Variants in C3orf49 observed in about 807,000 individuals in gnomAD.
C3orf49 encodes putative uncharacterized protein C3orf49.
Under a neutral mutation model 13.3 loss-of-function variants are expected in C3orf49, and 27 were observed. That is an observed-to-expected ratio of 2.02 (90% CI 1.49 to 2.79). C3orf49 has a LOEUF of 2.79. Ranked by LOEUF, C3orf49 falls within the 30% of genes most tolerant of loss-of-function variation. The pLI is 0.00. For synonymous variants in C3orf49, 87 were observed against 47.6 expected (o/e 1.83, Z -3.40); for missense variants, 242 against 134.2 (o/e 1.80, Z -3.97).
chr3:63,814,432 A>G (rs1262313585), upstream of C3orf49, among the ~76,000 whole-genome samples: 4 of 151,990 alleles, frequency 2.6e-5, no homozygotes, highest in Non-Finnish European at 5.9e-5. Flanking sequence ...CATGTTTGCA[A>G]TCTCTGACTT....
chr3:63,793,432 T>A, the C3orf49 span, among the ~76,000 whole-genome samples: 1 of 152,100 alleles, frequency 6.6e-6, no homozygotes, highest in Non-Finnish European at 1.5e-5. Flanking sequence ...CTTCTCTGAA[T>A]GTTCCCTTTC....
chr3:63,829,252 G>C (rs17069441), intron 3 of C3orf49, among the ~76,000 whole-genome samples: 1 of 152,116 alleles, frequency 6.6e-6, no homozygotes, highest in African/African-American at 2.4e-5. Context: ...ACATGGTCTT[G>C]CTTCTGTGGA....
chr3:63,829,370 A>AG (rs1398268476), intron 3 of C3orf49, among the ~76,000 whole-genome samples: 1 of 152,168 alleles, frequency 6.6e-6, no homozygotes, highest in East Asian at 1.9e-4. Flanking sequence ...GCATTCATAC[A>AG]GAAAAAAAAT....
At chr3:63,837,197 C>T (rs1182182402) in intron 5 of C3orf49, among the ~76,000 whole-genome samples, 1 of 151,772 alleles carries the variant, frequency 6.6e-6, no homozygotes, top group Non-Finnish European at 1.5e-5. Flanking sequence ...AATACATGCC[C>T]TATGTAAAAC....
the C3orf49 span, among the ~76,000 whole-genome samples, chr3:63,788,639 A>G: frequency 6.6e-6 from 1 of 152,120 alleles, no homozygotes; most frequent in African/African-American, 2.4e-5. Context: ...AGGAAACAAA[A>G]TAAGACACAG....
At chr3:63,846,009 A>G (rs1701886053) in intron 6 of C3orf49, 1 of 181,806 alleles carries the variant, frequency 5.5e-6, no homozygotes, top group Non-Finnish European at 1.2e-5. Flanking sequence ...ATTGGCATTC[A>G]GAAGCCTCAA....
At chr3:63,819,958 C>T (rs192711475) in intron 1 of C3orf49, among the ~76,000 whole-genome samples, 41 of 152,282 alleles carry the variant, frequency 2.7e-4, no homozygotes, top group African/African-American at 9.4e-4. Context: ...AATAGGTCCA[C>T]GATCAGTGCT....
chr3:63,829,615 T>G (rs1311950944), intron 3 of C3orf49, among the ~76,000 whole-genome samples: 2 of 152,280 alleles, frequency 1.3e-5, no homozygotes, highest in East Asian at 3.9e-4. Flanking sequence ...GATCAGAGGT[T>G]GTCAACTAGC....
the C3orf49 span, among the ~76,000 whole-genome samples, chr3:63,786,254 A>G: frequency 6.6e-6 from 1 of 152,056 alleles, no homozygotes; most frequent in Non-Finnish European, 1.5e-5. Context: ...GTAACTGATG[A>G]TGATGATGAT....
chr3:63,812,978 G>A, the C3orf49 span, among the ~76,000 whole-genome samples: 1 of 152,194 alleles, frequency 6.6e-6, no homozygotes, highest in Admixed American at 6.5e-5. Context: ...CTGTTGGCAT[G>A]TGAATGTAGA....
chr3:63,784,313 C>T, the C3orf49 span, among the ~76,000 whole-genome samples: 10 of 152,078 alleles, frequency 6.6e-5, no homozygotes, highest in Non-Finnish European at 1.2e-4. Context: ...TTATAAATAC[C>T]TTGCTTGTGC....
At chr3:63,823,201 C>CT (rs762467905) in intron 1 of C3orf49, 49 bp from the exon 2 acceptor site, 2 of 609,848 alleles carry the variant, frequency 3.3e-6, no homozygotes, top group Non-Finnish European at 2.9e-6. Flanking sequence ...AAATTTTTCA[C>CT]TTTTAACTTT....
chr3:63,781,480 T>C, the C3orf49 span, among the ~76,000 whole-genome samples: 7 of 152,196 alleles, frequency 4.6e-5, no homozygotes, highest in Non-Finnish European at 1.0e-4. Context: ...CGGGCTCTTT[T>C]TTGGTTCCAT....
chr3:63,795,972 A>G, the C3orf49 span, among the ~76,000 whole-genome samples: 9 of 152,138 alleles, frequency 5.9e-5, no homozygotes, highest in Non-Finnish European at 8.8e-5. Context: ...CATGTTTGCA[A>G]TTTACTTTGA....
chr3:63,843,733 C>T (rs844262), intron 5 of C3orf49, among the ~76,000 whole-genome samples: 152,185 of 152,188 alleles, frequency 1, 76,091 homozygotes, highest in Middle Eastern at 1. Flanking sequence ...ACTCTGTCTC[C>T]ACTAAAAATA....
chr3:63,811,168 C>T, the C3orf49 span, among the ~76,000 whole-genome samples: 1 of 152,116 alleles, frequency 6.6e-6, no homozygotes, highest in African/African-American at 2.4e-5. Context: ...TTTAAGTAAG[C>T]AGGGCTGGCA....
the C3orf49 span, among the ~76,000 whole-genome samples, chr3:63,786,706 C>G: frequency 6.6e-6 from 1 of 152,160 alleles, no homozygotes; most frequent in Non-Finnish European, 1.5e-5. Flanking sequence ...GCTTCAAACA[C>G]GTTGTCTTTT....
At chr3:63,797,630 T>G in the C3orf49 span, among the ~76,000 whole-genome samples, 1 of 152,172 alleles carries the variant, frequency 6.6e-6, no homozygotes, top group African/African-American at 2.4e-5. Flanking sequence ...TTCCAGAAGC[T>G]TCTGTGCCAA....
the C3orf49 span, among the ~76,000 whole-genome samples, chr3:63,795,498 G>A: frequency 2.0e-5 from 3 of 152,160 alleles, no homozygotes; most frequent in South Asian, 2.1e-4. Flanking sequence ...TTGCAGTCAC[G>A]ACCCTCTACC....
Sources: allele counts gnomAD v4.1 joint callset (sites outside exome capture counted in the v4.1 genomes callset), GRCh38; gene constraint gnomAD v4.1.1; transcripts MANE v1.5; gene names NCBI Gene and HGNC (gene_info 2026-07-23, HGNC 2026-07-21).